P2RY6: variants seen among roughly 807,000 people sequenced by gnomAD.
P2RY6 encodes P2Y purinoceptor 6.
P2RY6 carries 19 observed loss-of-function variants against 16.3 expected under a neutral mutation model. The ratio of observed to expected loss-of-function variants is 1.16; its 90% CI spans 0.81 to 1.71. The LOEUF is 1.71. P2RY6 is among the 40% of genes most tolerant of loss of function. P2RY6 has a pLI of 0.00. For synonymous variants in P2RY6, 184 were observed against 201.5 expected (o/e 0.91, Z 0.74); for missense variants, 389 against 455.5 (o/e 0.85, Z 1.33).
At chr11:73,288,811 G>C (rs910745337) in intron 1 of P2RY6, among the ~76,000 whole-genome samples, 2 of 152,210 alleles carry the variant, frequency 1.3e-5, no homozygotes, top group East Asian at 3.8e-4. Context: ...GCAAGTTGGT[G>C]GTCGATCCCA....
intron 1 of P2RY6, among the ~76,000 whole-genome samples, 172 bp from the exon 2 acceptor site, chr11:73,295,556 CTG>C (rs1864437744): frequency 6.6e-6 from 1 of 152,196 alleles, no homozygotes; most frequent in South Asian, 2.1e-4. Flanking sequence ...ATTTCCATCT[CTG>C]TAAACAAACG....
chr11:73,288,447 G>A (rs560034563), intron 1 of P2RY6, among the ~76,000 whole-genome samples: 1 of 152,222 alleles, frequency 6.6e-6, no homozygotes, highest in Admixed American at 6.5e-5. Flanking sequence ...AAGTGGGAAA[G>A]GAGTAGAAAA....
upstream of P2RY6, among the ~76,000 whole-genome samples, chr11:73,269,204 C>T (rs193164516): frequency 1.2e-4 from 18 of 152,290 alleles, no homozygotes; most frequent in Admixed American, 3.3e-4. Context: ...CCAGGGGCTT[C>T]CTGCTGGTGA....
chr11:73,290,802 C>A (rs73540709), intron 1 of P2RY6, among the ~76,000 whole-genome samples: 3,508 of 152,318 alleles, frequency 0.023, 139 homozygotes, highest in African/African-American at 0.08. Flanking sequence ...GGCCCTGCCC[C>A]CTCCTCTAGG....
intron 1 of P2RY6, among the ~76,000 whole-genome samples, chr11:73,275,544 T>C (rs986780632): frequency 3.9e-5 from 6 of 152,298 alleles, no homozygotes; most frequent in Non-Finnish European, 5.9e-5. Context: ...GACTTGGAAG[T>C]GCCAGAACCT....
chr11:73,267,550 A>G (rs1353672849), upstream of P2RY6, among the ~76,000 whole-genome samples: 1 of 152,160 alleles, frequency 6.6e-6, no homozygotes, highest in African/African-American at 2.4e-5. Context: ...AGAGACCTCA[A>G]AGGCAAACCT....
intron 1 of P2RY6, among the ~76,000 whole-genome samples, chr11:73,272,973 G>C (rs750953177): frequency 3.3e-5 from 5 of 152,082 alleles, no homozygotes; most frequent in Admixed American, 2.0e-4. Context: ...GAGGGAATGA[G>C]TAGGAAGGAT....
Position 73,297,655 on chromosome 11 carries a change from CTA to C in P2RY6, c.*152_*153del. The C allele has an allele frequency of 4.5e-6, 3 of 665,680 alleles. No individual in the cohort carries two copies. The highest frequency in any genetic ancestry group is 3.9e-5 in the South Asian group (2 of 50,742). 41.2% of individuals were successfully genotyped at this position (665,680 alleles called of 1,614,324 possible). A position where few individuals can be genotyped will look rare whatever the true frequency, so the allele number is the denominator to read the frequency against. Reference sequence around the variant, plus strand: ...ACAGGACCCAGAAGCTCACCAAAAACTATTTCTTCAGCCCCTTCTCTGGCCCA... The same window carrying C: ...ACAGGACCCAGAAGCTCACCAAAAACTTTCTTCAGCCCCTTCTCTGGCCCA... On this transcript the variant is annotated 3_prime_UTR_variant, in exon 3 of 3. Coordinates refer to ENST00000540124, the MANE Select transcript of P2RY6 (RefSeq NM_001277204.2).
At chr11:73,270,079 C>A (rs937841152), upstream of P2RY6, 1 of 152,234 alleles carries the variant, frequency 6.6e-6, no homozygotes, top group African/African-American at 2.4e-5. Context: ...GCTTGCCTGT[C>A]ATCTGGATAG....
upstream of P2RY6, among the ~76,000 whole-genome samples, chr11:73,269,604 T>C (rs566735778): frequency 3.9e-5 from 6 of 152,150 alleles, no homozygotes; most frequent in East Asian, 9.7e-4. Flanking sequence ...GTGTACACAC[T>C]CCAGAGCCAC....
chr11:73,296,627 C>T lies in P2RY6; in HGVS notation c.109C>T (p.Leu37=). ...LLLPPVYSAV[L]AAGLPLNICV... ...GCTGCCACCTGTGTATTCGGCGGTG[C>T]TGGCGGCTGGCCTGCCGCTGAACAT... The change falls in exon 3 of 3, where the codon CTG becomes TTG. Residue 37 remains leucine, a synonymous_variant. Transcript: ENST00000540124. 6.2e-7 allele frequency: 1 copy of T among 1,614,198 alleles called. No homozygotes were observed. The highest frequency in any genetic ancestry group is 8.5e-7 in the Non-Finnish European group (1 of 1,180,040).
At chr11:73,295,165 G>A (rs965255296) in intron 1 of P2RY6, among the ~76,000 whole-genome samples, 3 of 152,172 alleles carry the variant, frequency 2.0e-5, no homozygotes, top group African/African-American at 7.2e-5. Flanking sequence ...GAGTGTCTAG[G>A]AGTCAGACTT....
chr11:73,274,552 A>AAAAAAG (rs1554988367), intron 1 of P2RY6, among the ~76,000 whole-genome samples: 1 of 152,036 alleles, frequency 6.6e-6, no homozygotes, highest in African/African-American at 2.4e-5. Flanking sequence ...AAAAAAAAAA[A>AAAAAAG]AAAGAAAGAA....
In P2RY6 at chr11:73,292,698, G is replaced by A. The variant is rs148701942; in HGVS notation, c.-120-3032G>A. 364 of 619,132 alleles carry A rather than the reference G, an allele frequency of 5.9e-4. 4 individuals are homozygous for A. In the Admixed American group the frequency reaches 0.017, roughly 28 times the overall value. The allele number at this position is 619,132 out of a possible 1,614,324, so 38.4% of individuals were successfully genotyped here. ...CCTTGCTCCTCTAAGCCCAGTTTCC[G>A]CCAGGCACTAGGCGTGGTGTTGGGG... On this transcript the variant is annotated intron_variant, in intron 1 of 2. Transcript: ENST00000540124.
upstream of P2RY6, among the ~76,000 whole-genome samples, chr11:73,269,042 G>T (rs570996268): frequency 6.6e-6 from 1 of 152,348 alleles, no homozygotes; most frequent in South Asian, 2.1e-4. Context: ...GAGCCAGGAA[G>T]GAAGACACTA....
At chr11:73,277,497 G>T (rs1204498788) in intron 1 of P2RY6, among the ~76,000 whole-genome samples, 3 of 152,236 alleles carry the variant, frequency 2.0e-5, no homozygotes, top group African/African-American at 7.2e-5. Flanking sequence ...GAGTTGGCCT[G>T]CTACAGTTTC....
At chr11:73,273,140 G>A (rs1863388475) in intron 1 of P2RY6, among the ~76,000 whole-genome samples, 1 of 151,874 alleles carries the variant, frequency 6.6e-6, no homozygotes, top group Non-Finnish European at 1.5e-5. Flanking sequence ...CTTGTTAAGG[G>A]TGAAAGGGCC....
chr11:73,296,233 A>AATATAT (rs1554992362), intron 2 of P2RY6, among the ~76,000 whole-genome samples: 10 of 124,486 alleles, frequency 8.0e-5, no homozygotes, highest in South Asian at 4.7e-4. Context: ...GAAAAAAAAA[A>AATATAT]ATATATATAT....
Position 73,292,901 on chromosome 11 carries a change from G to A in P2RY6, c.-120-2829G>A. On this transcript the variant is annotated intron_variant, in intron 1 of 2. Coordinates refer to ENST00000540124, the MANE Select transcript of P2RY6 (RefSeq NM_001277204.2). ...ACACACTTGGGACCACCAGCGTGCT[G>A]CAGGGACAGGAGGCTGCCTGTGAGT... 7 of 984,804 alleles carry A rather than the reference G, an allele frequency of 7.1e-6. 1 individual carries two copies. The highest frequency in any genetic ancestry group is 5.2e-4 in the Middle Eastern group (1 of 1,920). The allele number at this position is 984,804 out of a possible 1,614,324, so 61.0% of individuals were successfully genotyped here.
Sources: gnomAD v4.1 joint callset for allele counts (sites outside exome capture counted in the v4.1 genomes callset) on GRCh38, gnomAD v4.1.1 for gene constraint, MANE v1.5 for transcripts, NCBI Gene and HGNC (gene_info 2026-07-23, HGNC 2026-07-21) for gene names.